Variants in PGAP1 observed in about 807,000 individuals in gnomAD.
PGAP1 encodes the protein post-GPI attachment to proteins inositol deacylase 1.
Under a neutral mutation model 127.0 loss-of-function variants are expected in PGAP1, and 76 were observed. The observed-to-expected ratio is 0.60, with a 90% confidence interval of 0.50 to 0.72. The LOEUF (loss-of-function observed/expected upper bound fraction) is 0.72, where lower values mean the gene tolerates loss of function less well. Among genes scored for constraint, PGAP1 ranks in the 30% least tolerant of loss-of-function variants. PGAP1 has a pLI of 0.00. For synonymous variants in PGAP1, 362 were observed against 366.5 expected (o/e 0.99, Z 0.14); for missense variants, 982 against 1,071.3 (o/e 0.92, Z 1.16).
At chr2:196,874,903 C>T (rs1389223286) in intron 14 of PGAP1, among the ~76,000 whole-genome samples, 1 of 152,090 alleles carries the variant, frequency 6.6e-6, no homozygotes, top group Non-Finnish European at 1.5e-5. Context: ...GTAGTCCTAG[C>T]TACTCAGGAG....
intron 19 of PGAP1, 28 bp from the exon 20 acceptor site, chr2:196,865,108 C>G (rs1451654344): frequency 8.1e-7 from 1 of 1,240,842 alleles, no homozygotes; most frequent in African/African-American, 1.6e-5. Context: ...CAATGGGCAA[C>G]TCCTGAATAT....
intron 4 of PGAP1, among the ~76,000 whole-genome samples, chr2:196,904,710 G>C (rs62185189): frequency 0.1 from 15,344 of 152,014 alleles, 1,045 homozygotes; most frequent in Non-Finnish European, 0.15. Flanking sequence ...CCTGGCAACA[G>C]AGCGTGACTG....
intron 5 of PGAP1, among the ~76,000 whole-genome samples, chr2:196,900,871 G>T (rs997590795): frequency 6.6e-6 from 1 of 152,156 alleles, no homozygotes; most frequent in Non-Finnish European, 1.5e-5. Flanking sequence ...AGCTTGCAGT[G>T]AGCGGAGATC....
intron 3 of PGAP1, among the ~76,000 whole-genome samples, chr2:196,914,221 G>C (rs556591295): frequency 6.6e-6 from 1 of 152,130 alleles, no homozygotes; most frequent in South Asian, 2.1e-4. Context: ...ACTTTCATTA[G>C]TGTATAAATA....
intron 21 of PGAP1, 43 bp downstream of exon 21, chr2:196,847,904 G>T: frequency 7.4e-7 from 1 of 1,360,044 alleles, no homozygotes; most frequent in Non-Finnish European, 1.0e-6. Flanking sequence ...AATGTTACAT[G>T]TAAAACACAA....
intron 12 of PGAP1, among the ~76,000 whole-genome samples, chr2:196,882,626 T>C (rs1701768179): frequency 6.6e-6 from 1 of 152,252 alleles, no homozygotes; most frequent in African/African-American, 2.4e-5. Context: ...TGGATGGAAC[T>C]ACATTCCTGA....
intron 21 of PGAP1, 60 bp downstream of exon 21, chr2:196,847,887 C>T: frequency 8.1e-7 from 1 of 1,228,248 alleles, no homozygotes; most frequent in Admixed American, 2.7e-5. Flanking sequence ...ATTATGGAAC[C>T]AAATATAATG....
At chr2:196,853,005 C>T (rs1178224609) in intron 20 of PGAP1, among the ~76,000 whole-genome samples, 4 of 152,178 alleles carry the variant, frequency 2.6e-5, no homozygotes, top group African/African-American at 9.7e-5. Context: ...TAAAGATATA[C>T]TAATGCAAAA....
rs781386136 is a variant in PGAP1, at chr2:196,926,534, A to G, written c.83T>C (p.Val28Ala). ...VFLATLGLWDVFFGFEENKCS... is the reference protein window; with the variant it reads ...VFLATLGLWDAFFGFEENKCS... ...CTTATTCTCCTCGAAGCCGAAGAAGACATCCCACAGCCCCAGGGTTGCCAG... is the reference window on the plus strand; with the variant it reads ...CTTATTCTCCTCGAAGCCGAAGAAGGCATCCCACAGCCCCAGGGTTGCCAG... The change falls in exon 1 of 27, where the codon GTC becomes GCC. Residue 28 changes from valine (V) to alanine (A), a missense_variant. Coordinates refer to ENST00000354764, the MANE Select transcript of PGAP1 (RefSeq NM_024989.4). 1 of 1,614,168 alleles carries G rather than the reference A, an allele frequency of 6.2e-7. No homozygotes were observed.
At chr2:196,850,624 G>A (rs1186393005) in intron 20 of PGAP1, among the ~76,000 whole-genome samples, 1 of 151,770 alleles carries the variant, frequency 6.6e-6, no homozygotes, top group African/African-American at 2.4e-5. Context: ...AAGGCAGCAA[G>A]GAAGCATTGG....
chr2:196,898,775 T>C (rs1702374826), intron 5 of PGAP1, among the ~76,000 whole-genome samples: 1 of 152,160 alleles, frequency 6.6e-6, no homozygotes, highest in Non-Finnish European at 1.5e-5. Flanking sequence ...AAACTACCAC[T>C]TGATAGATTC....
intron 4 of PGAP1, among the ~76,000 whole-genome samples, chr2:196,903,792 A>G (rs1702584268): frequency 6.6e-6 from 1 of 152,204 alleles, no homozygotes; most frequent in Admixed American, 6.5e-5. Context: ...CACTTTGTCT[A>G]TTGAAGGTGA....
At chr2:196,905,089 G>T (rs985479309) in intron 4 of PGAP1, among the ~76,000 whole-genome samples, 1 of 152,164 alleles carries the variant, frequency 6.6e-6, no homozygotes, top group Admixed American at 6.5e-5. Context: ...TTGACCCTAA[G>T]AATCACTTTC....
At chr2:196,921,516 G>A (rs1703191696) in intron 1 of PGAP1, among the ~76,000 whole-genome samples, 2 of 152,132 alleles carry the variant, frequency 1.3e-5, no homozygotes, top group South Asian at 4.1e-4. Flanking sequence ...GAAAACATAA[G>A]AGAACAAAGA....
intron 20 of PGAP1, among the ~76,000 whole-genome samples, chr2:196,854,086 A>G (rs934271463): frequency 6.6e-6 from 1 of 151,740 alleles, no homozygotes; most frequent in Non-Finnish European, 1.5e-5. Context: ...TTGTACAGAG[A>G]GGGTTTCACC....
At chr2:196,885,612 G>T in intron 11 of PGAP1, 137 bp from the exon 12 acceptor site, 1 of 647,826 alleles carries the variant, frequency 1.5e-6, no homozygotes, top group Non-Finnish European at 2.5e-6. Flanking sequence ...AATATACTCT[G>T]TCCACATATT....
At chr2:196,870,287 TTTTC>T (rs200625080) in intron 19 of PGAP1, among the ~76,000 whole-genome samples, 152 of 151,842 alleles carry the variant, frequency 1.0e-3, no homozygotes, top group East Asian at 2.9e-3. Context: ...TCTTTTTTCT[TTTTC>T]TTTCTTTCTT....
intron 20 of PGAP1, 118 bp downstream of exon 20, chr2:196,864,865 CTTAA>C (rs1429407371): frequency 4.4e-6 from 2 of 454,416 alleles, no homozygotes; most frequent in East Asian, 3.6e-5. Context: ...TAAGAACTCT[CTTAA>C]TTATGTCTCC....
intron 2 of PGAP1, among the ~76,000 whole-genome samples, chr2:196,916,885 C>T (rs921983402): frequency 6.6e-6 from 1 of 152,142 alleles, no homozygotes; most frequent in African/African-American, 2.4e-5. Context: ...GCTAAAAGGG[C>T]AGGATTCTTT....
Sources: allele counts gnomAD v4.1 joint callset (sites outside exome capture counted in the v4.1 genomes callset), GRCh38; gene constraint gnomAD v4.1.1; transcripts MANE v1.5; gene names NCBI Gene and HGNC (gene_info 2026-07-23, HGNC 2026-07-21).